Variants in FOXN3 observed in about 807,000 individuals in gnomAD.
The protein encoded by FOXN3 is forkhead box N3.
A neutral mutation model predicts 38.4 loss-of-function variants in FOXN3; 7 were observed. The ratio of observed to expected loss-of-function variants is 0.18; its 90% CI spans 0.10 to 0.34. The LOEUF is 0.34. Ranked by LOEUF, FOXN3 falls within the 10% of genes least tolerant of loss-of-function variation. The pLI, the probability that FOXN3 is intolerant of heterozygous loss-of-function variation, is 1.00. For missense variants in FOXN3, 456 were observed against 613.4 expected (o/e 0.74, Z 2.71); for synonymous variants, 230 against 242.2 (o/e 0.95, Z 0.47).
At chr14:89,415,169 A>G (rs1378678211) in intron 1 of FOXN3, among the ~76,000 whole-genome samples, 1 of 152,294 alleles carries the variant, frequency 6.6e-6, no homozygotes, top group South Asian at 2.1e-4. Context: ...AAACAGAACT[A>G]CCCAGCCACT....
upstream of FOXN3, among the ~76,000 whole-genome samples, chr14:89,421,145 C>CTTTTTT (rs570024684): frequency 4.6e-5 from 5 of 108,168 alleles, no homozygotes; most frequent in African/African-American, 7.1e-5. Context: ...TTCTTTCTTT[C>CTTTTTT]TTTTTTTTTT....
At chr14:89,395,826 G>C (rs1891085670) in intron 2 of FOXN3, among the ~76,000 whole-genome samples, 1 of 152,056 alleles carries the variant, frequency 6.6e-6, no homozygotes, top group Admixed American at 6.6e-5. Context: ...AGGGGGGGGA[G>C]TTTCAAAGTA....
intron 1 of FOXN3, among the ~76,000 whole-genome samples, chr14:89,424,033 T>C (rs539883609): frequency 1.6e-4 from 25 of 152,314 alleles, no homozygotes; most frequent in African/African-American, 6.0e-4. Context: ...TAAATATGTA[T>C]TGAATAAATT....
intron 1 of FOXN3, among the ~76,000 whole-genome samples, chr14:89,427,643 C>A (rs1892069128): frequency 6.6e-6 from 1 of 151,718 alleles, no homozygotes; most frequent in Non-Finnish European, 1.5e-5. Context: ...AATGAAAAGG[C>A]ACTACTTGCA....
chr14:89,291,637 C>T, intron 3 of FOXN3: 1 of 479,806 alleles, frequency 2.1e-6, no homozygotes, highest in Admixed American at 2.4e-5. Context: ...CAATGCAAAT[C>T]TGTGGCCGGC....
intron 1 of FOXN3, among the ~76,000 whole-genome samples, chr14:89,454,186 C>T (rs1596280288): frequency 6.6e-6 from 1 of 152,184 alleles, no homozygotes; most frequent in African/African-American, 2.4e-5. Flanking sequence ...TGCCTGTAAT[C>T]CCAGCTACTC....
intron 4 of FOXN3, among the ~76,000 whole-genome samples, chr14:89,205,954 T>C (rs1888373343): frequency 1.3e-5 from 2 of 152,138 alleles, no homozygotes; most frequent in African/African-American, 4.8e-5. Flanking sequence ...TTTCAATGAA[T>C]GGGATGAGAG....
chr14:89,471,528 G>A (rs1422244005), intron 1 of FOXN3, among the ~76,000 whole-genome samples: 2 of 152,096 alleles, frequency 1.3e-5, no homozygotes, highest in African/African-American at 2.4e-5. Context: ...AGGTTGCAGT[G>A]AGCCGTGACT....
At chr14:89,457,055 G>A (rs1361196658) in intron 1 of FOXN3, among the ~76,000 whole-genome samples, 3 of 152,184 alleles carry the variant, frequency 2.0e-5, no homozygotes, top group Non-Finnish European at 4.4e-5. Flanking sequence ...GCCCATGCAT[G>A]ACCTGTAATC....
intron 3 of FOXN3, among the ~76,000 whole-genome samples, chr14:89,345,746 G>A (rs947016482): frequency 2.0e-5 from 3 of 152,116 alleles, no homozygotes; most frequent in African/African-American, 7.2e-5. Context: ...TTCCATTCCT[G>A]AGTTACTTCA....
At chr14:89,383,029 G>GTTTTTTTTT (rs57032907) in intron 2 of FOXN3, among the ~76,000 whole-genome samples, 12 of 92,536 alleles carry the variant, frequency 1.3e-4, no homozygotes, top group East Asian at 3.4e-4. Context: ...TTTGGGTGGT[G>GTTTTTTTTT]TTTTTTTTTT....
At chr14:89,210,386 G>A (rs73321279) in intron 4 of FOXN3, among the ~76,000 whole-genome samples, 2,392 of 152,100 alleles carry the variant, frequency 0.016, 61 homozygotes, top group African/African-American at 0.055. Context: ...AGCTGAGCAC[G>A]TGCCTCCATG....
chr14:89,237,174 G>T (rs903357308), intron 4 of FOXN3, among the ~76,000 whole-genome samples: 1 of 152,010 alleles, frequency 6.6e-6, no homozygotes, highest in Non-Finnish European at 1.5e-5. Flanking sequence ...GTGAGCAAAA[G>T]ACATAAATAG....
Position 89,347,720 on chromosome 14 carries a change from G to A in FOXN3, c.680+2952C>T, listed in dbSNP as rs531982013. The stretch of plus-strand genomic sequence containing the variant: ...TGTAATCCCAGCACTTTGGGAGGCC[G>A]AGGCGGGCGGATCATGAGTTCAAGA... On this transcript the variant is annotated intron_variant, in intron 3 of 5. Coordinates refer to ENST00000557258, the MANE Select transcript of FOXN3 (RefSeq NM_005197.4). Among the ~76,000 whole-genome samples, 70 of 152,256 alleles carry A rather than the reference G, an allele frequency of 4.6e-4. 2 individuals are homozygous for A. Among genetic ancestry groups the A allele is most frequent in the Admixed American group, 2.9e-3 (44 of 15,294 alleles).
At chr14:89,294,641 C>G (rs557579628) in intron 3 of FOXN3, among the ~76,000 whole-genome samples, 2 of 152,118 alleles carry the variant, frequency 1.3e-5, no homozygotes, top group Non-Finnish European at 2.9e-5. Flanking sequence ...TGAAACCCAC[C>G]GAACCAAGAT....
chr14:89,182,592 G>A (rs1293146196), intron 4 of FOXN3, among the ~76,000 whole-genome samples: 1 of 152,198 alleles, frequency 6.6e-6, no homozygotes, highest in Non-Finnish European at 1.5e-5. Context: ...GACTTACCAA[G>A]TATCTTTAAA....
intron 3 of FOXN3, among the ~76,000 whole-genome samples, chr14:89,338,187 C>A (rs1888519712): frequency 6.6e-6 from 1 of 152,142 alleles, no homozygotes. Flanking sequence ...TTCATAGAGT[C>A]CAGCTTCTCC....
chr14:89,281,663 CACTT>C (rs1268219151), intron 3 of FOXN3, among the ~76,000 whole-genome samples: 44 of 152,298 alleles, frequency 2.9e-4, no homozygotes, highest in African/African-American at 1.1e-3. Context: ...ATCACAAAGA[CACTT>C]ACCGCATTCA....
chr14:89,574,757 C>A (rs779108162), intron 1 of FOXN3, among the ~76,000 whole-genome samples: 73 of 152,108 alleles, frequency 4.8e-4, no homozygotes, highest in Non-Finnish European at 1.3e-4. Context: ...GAAGACTGGG[C>A]CAAATGTTAG....
Sources: gnomAD v4.1 joint callset for allele counts (sites outside exome capture counted in the v4.1 genomes callset) on GRCh38, gnomAD v4.1.1 for gene constraint, MANE v1.5 for transcripts, NCBI Gene and HGNC (gene_info 2026-07-23, HGNC 2026-07-21) for gene names.